DLGAP1: variants seen among roughly 807,000 people sequenced by gnomAD.
DLGAP1 encodes disks large-associated protein 1.
DLGAP1 carries 11 observed loss-of-function variants against 90.8 expected under a neutral mutation model. The observed-to-expected ratio is 0.12, with a 90% CI of 0.08 to 0.20. The LOEUF (loss-of-function observed/expected upper bound fraction) is 0.20. DLGAP1 is among the 10% of genes least tolerant of loss of function. The pLI is 1.00. For synonymous variants in DLGAP1, 558 were observed against 540.7 expected, an observed-to-expected ratio of 1.03 and a Z score of -0.44; for missense variants, 1,050 against 1,333.8, an observed-to-expected ratio of 0.79 and a Z score of 3.31.
intron 2 of DLGAP1, among the ~76,000 whole-genome samples, chr18:4,145,672 T>C (rs963492355): frequency 1.3e-5 from 2 of 152,204 alleles, no homozygotes; most frequent in Non-Finnish European, 2.9e-5. Flanking sequence ...CCTCTGGGTA[T>C]AAAGCTGCAT....
At chr18:3,686,489 T>C (rs1267019908) in intron 7 of DLGAP1, among the ~76,000 whole-genome samples, 3 of 152,226 alleles carry the variant, frequency 2.0e-5, no homozygotes, top group East Asian at 3.8e-4. Context: ...TTATATATTG[T>C]AGGGCAAAGA....
chr18:4,309,177 C>A (rs62088072), intron 1 of DLGAP1, among the ~76,000 whole-genome samples: 2,960 of 152,274 alleles, frequency 0.019, 35 homozygotes, highest in Admixed American at 0.029. Flanking sequence ...CTGGTGATAG[C>A]ATCCATTGAG....
chr18:4,076,997 G>C (rs1478878865), intron 2 of DLGAP1, among the ~76,000 whole-genome samples: 1 of 152,132 alleles, frequency 6.6e-6, no homozygotes, highest in African/African-American at 2.4e-5. Flanking sequence ...TACTTCGCAA[G>C]GCTGAGCTCT....
intron 7 of DLGAP1, among the ~76,000 whole-genome samples, chr18:3,702,855 C>T (rs115630867): frequency 1.4e-3 from 206 of 152,152 alleles, no homozygotes; most frequent in African/African-American, 4.8e-3. Context: ...CAGGTACAGG[C>T]AGTTCATCCA....
chr18:3,579,521 T>C (rs1268431388), intron 8 of DLGAP1, among the ~76,000 whole-genome samples: 1 of 152,246 alleles, frequency 6.6e-6, no homozygotes. Flanking sequence ...CGCCTGGCTT[T>C]TAAATTAGCC....
At chr18:4,158,241 A>G (rs2076788655) in intron 1 of DLGAP1, among the ~76,000 whole-genome samples, 1 of 151,310 alleles carries the variant, frequency 6.6e-6, no homozygotes, top group Non-Finnish European at 1.5e-5. Context: ...CACAATACAA[A>G]GTGAATGGTA....
intron 5 of DLGAP1, among the ~76,000 whole-genome samples, chr18:3,798,207 C>T (rs1198851821): frequency 6.6e-6 from 1 of 152,140 alleles, no homozygotes; most frequent in Non-Finnish European, 1.5e-5. Flanking sequence ...GTAACCAAAC[C>T]CGAGGTTAAT....
intron 1 of DLGAP1, among the ~76,000 whole-genome samples, chr18:4,323,472 A>G (rs186874481): frequency 1.3e-5 from 2 of 152,188 alleles, no homozygotes; most frequent in African/African-American, 2.4e-5. Context: ...CTGAAGAGGC[A>G]TTTGTATCCC....
intron 4 of DLGAP1, among the ~76,000 whole-genome samples, chr18:3,860,067 C>T (rs538676730): frequency 7.6e-6 from 1 of 131,454 alleles, no homozygotes; most frequent in East Asian, 1.9e-4. Context: ...CCACTGCACT[C>T]CAGCCTGGGC....
intron 1 of DLGAP1, among the ~76,000 whole-genome samples, chr18:4,299,574 C>T (rs997649592): frequency 2.0e-5 from 3 of 152,074 alleles, no homozygotes; most frequent in African/African-American, 4.8e-5. Flanking sequence ...AAATGTCTTG[C>T]TTTTTCAAAT....
intron 2 of DLGAP1, among the ~76,000 whole-genome samples, chr18:4,149,802 C>A (rs2076643916): frequency 6.6e-6 from 1 of 152,216 alleles, no homozygotes; most frequent in Non-Finnish European, 1.5e-5. Flanking sequence ...CCCACCTCCC[C>A]ACCCTGTCCG....
chr18:3,862,497 G>A (rs1342337230), intron 4 of DLGAP1, among the ~76,000 whole-genome samples: 1 of 152,018 alleles, frequency 6.6e-6, no homozygotes, highest in East Asian at 1.9e-4. Context: ...GTAAGGTGCT[G>A]CCTACTTGGC....
intron 3 of DLGAP1, among the ~76,000 whole-genome samples, chr18:3,928,109 A>G (rs2072434333): frequency 6.6e-6 from 1 of 152,114 alleles, no homozygotes; most frequent in African/African-American, 2.4e-5. Flanking sequence ...ACACACTGCT[A>G]TTTCTTTTCT....
chr18:3,780,603 A>G (rs867600800), intron 5 of DLGAP1, among the ~76,000 whole-genome samples: 1 of 152,160 alleles, frequency 6.6e-6, no homozygotes, highest in Non-Finnish European at 1.5e-5. Flanking sequence ...ATCATTCCAG[A>G]TAATCTCCCT....
chr18:4,133,995 T>C (rs931625074), intron 2 of DLGAP1, among the ~76,000 whole-genome samples: 12 of 147,148 alleles, frequency 8.2e-5, no homozygotes, highest in Admixed American at 5.4e-4. Context: ...ATAGTGGTCC[T>C]AAAAAAAAAA....
intron 7 of DLGAP1, among the ~76,000 whole-genome samples, chr18:3,680,751 T>C (rs1453244711): frequency 2.9e-5 from 4 of 136,166 alleles, no homozygotes; most frequent in Admixed American, 8.4e-5. Context: ...ATCGCGCCAC[T>C]GCACTCCAGC....
chr18:4,037,403 A>G (rs1232590813), intron 2 of DLGAP1, among the ~76,000 whole-genome samples: 1 of 152,200 alleles, frequency 6.6e-6, no homozygotes, highest in Non-Finnish European at 1.5e-5. Flanking sequence ...ACTTACTTAT[A>G]TGTATGTATC....
chr18:4,020,787 A>G (rs562620989), intron 2 of DLGAP1, among the ~76,000 whole-genome samples: 1 of 152,320 alleles, frequency 6.6e-6, no homozygotes, highest in Admixed American at 6.5e-5. Flanking sequence ...TAGTTACAAG[A>G]TTAGAAATTA....
At chr18:4,060,259 C>G (rs2075280369) in intron 2 of DLGAP1, among the ~76,000 whole-genome samples, 1 of 152,166 alleles carries the variant, frequency 6.6e-6, no homozygotes, top group Non-Finnish European at 1.5e-5. Context: ...CAAGGGCTGC[C>G]TACTCTGTGC....
Sources: allele counts gnomAD v4.1 joint callset (sites outside exome capture counted in the v4.1 genomes callset), GRCh38; gene constraint gnomAD v4.1.1; transcripts MANE v1.5; gene names NCBI Gene and HGNC (gene_info 2026-07-23, HGNC 2026-07-21).